PDE3B: variants seen among roughly 807,000 people sequenced by gnomAD.
The protein encoded by PDE3B is phosphodiesterase 3B.
In PDE3B, 66 loss-of-function variants were observed where a neutral mutation model predicts 116.8. The observed-to-expected ratio is 0.56, with a 90% CI of 0.46 to 0.69. PDE3B has a LOEUF of 0.69. PDE3B is among the 30% of genes least tolerant of loss of function. PDE3B has a pLI of 0.00. For missense variants in PDE3B, 1,384 were observed against 1,368.1 expected, an observed-to-expected ratio of 1.01 and a Z score of -0.18; for synonymous variants, 595 against 533.6, an observed-to-expected ratio of 1.12 and a Z score of -1.59.
intron 1 of PDE3B, among the ~76,000 whole-genome samples, chr11:14,689,574 A>G (rs775152072): frequency 2.6e-5 from 4 of 152,156 alleles, no homozygotes; most frequent in Non-Finnish European, 5.9e-5. Context: ...GAAAAAAAAG[A>G]GTGTAGATAT....
chr11:14,885,761 T>C, the PDE3B span: 1 of 1,611,086 alleles, frequency 6.2e-7, no homozygotes, highest in Non-Finnish European at 8.5e-7. Context: ...ACTAAATAGG[T>C]GCAAATAAAC....
intron 12 of PDE3B, among the ~76,000 whole-genome samples, chr11:14,854,089 G>GT (rs535289198): frequency 2.3e-4 from 35 of 152,126 alleles, no homozygotes; most frequent in Non-Finnish European, 4.4e-4. Context: ...GCAGATAAAA[G>GT]TTTTTTTTAT....
intron 1 of PDE3B, among the ~76,000 whole-genome samples, chr11:14,740,722 T>C (rs532834542): frequency 6.6e-6 from 1 of 152,212 alleles, no homozygotes; most frequent in Non-Finnish European, 1.5e-5. Context: ...CTTTTCTGCT[T>C]TCTCTTGTAG....
intron 5 of PDE3B, among the ~76,000 whole-genome samples, chr11:14,816,617 A>G (rs1859339188): frequency 6.6e-6 from 1 of 152,184 alleles, no homozygotes; most frequent in South Asian, 2.1e-4. Flanking sequence ...ACTACACTCT[A>G]GCTTCATTGA....
chr11:14,740,452 C>T (rs1364383479), intron 1 of PDE3B, among the ~76,000 whole-genome samples: 3 of 152,134 alleles, frequency 2.0e-5, no homozygotes, highest in African/African-American at 7.2e-5. Flanking sequence ...GTGATATCCC[C>T]TGTATCATTT....
At chr11:14,829,119 C>T (rs1346265359) in intron 7 of PDE3B, among the ~76,000 whole-genome samples, 2 of 151,872 alleles carry the variant, frequency 1.3e-5, no homozygotes, top group Non-Finnish European at 2.9e-5. Context: ...CACATGGGCA[C>T]ATAGAGGGGA....
chr11:14,820,008 T>C (rs1859469148), intron 7 of PDE3B, among the ~76,000 whole-genome samples: 1 of 152,200 alleles, frequency 6.6e-6, no homozygotes, highest in African/African-American at 2.4e-5. Context: ...TGTTGTATCC[T>C]AAGAAAAAAG....
intron 9 of PDE3B, among the ~76,000 whole-genome samples, 162 bp from the exon 10 acceptor site, chr11:14,832,559 AT>A (rs989295701): frequency 1.3e-5 from 2 of 152,084 alleles, no homozygotes; most frequent in African/African-American, 4.8e-5. Flanking sequence ...TTCCATTCTG[AT>A]TTTTTTGAAA....
chr11:14,732,166 C>T (rs1009894826), intron 1 of PDE3B, among the ~76,000 whole-genome samples: 3 of 151,942 alleles, frequency 2.0e-5, no homozygotes, highest in Admixed American at 6.6e-5. Context: ...ATGTCTGACA[C>T]GTTCAAGGTG....
chr11:14,844,121 C>A, intron 12 of PDE3B, 95 bp downstream of exon 12: 1 of 857,228 alleles, frequency 1.2e-6, no homozygotes, highest in South Asian at 1.5e-5. Flanking sequence ...AATCATATGT[C>A]CAATCCATCT....
intron 1 of PDE3B, among the ~76,000 whole-genome samples, chr11:14,700,006 C>T (rs1036290459): frequency 6.6e-6 from 1 of 151,414 alleles, no homozygotes; most frequent in Non-Finnish European, 1.5e-5. Flanking sequence ...TATATGGCTC[C>T]GACAGTAGAG....
In PDE3B at chr11:14,786,582, G is replaced by T. The variant is rs371446559; in HGVS notation, c.1175G>T (p.Gly392Val). 25 of 1,612,982 alleles carry T rather than the reference G, an allele frequency of 1.5e-5. No homozygotes were observed. The African/African-American group carries it at 1.9e-4, about 12-fold the overall frequency. ...SISSLMGAFS[G>V]SCRPKINPLT... ...AGTAGCTTAATGGGTGCTTTCTCAG[G>T]TTCCTGTAGGCCAAAGATTAATCCT... The change falls in exon 3 of 16, where the codon GGT (glycine) becomes GTT (valine). Residue 392 changes from glycine to valine, a missense_variant. Transcript: ENST00000282096.
intron 1 of PDE3B, among the ~76,000 whole-genome samples, chr11:14,676,603 C>T: frequency 6.6e-6 from 1 of 152,100 alleles, no homozygotes. Context: ...CTATTATGGA[C>T]TTTATAAACA....
At chr11:14,654,136 T>C (rs920636807) in intron 1 of PDE3B, among the ~76,000 whole-genome samples, 6 of 151,930 alleles carry the variant, frequency 3.9e-5, no homozygotes, top group Non-Finnish European at 8.8e-5. Flanking sequence ...GGAAGAAATA[T>C]TAGAAAAAAA....
intron 1 of PDE3B, among the ~76,000 whole-genome samples, chr11:14,716,050 C>T (rs1215063402): frequency 1.3e-5 from 2 of 152,108 alleles, no homozygotes; most frequent in East Asian, 1.9e-4. Flanking sequence ...TGGGCGCAGG[C>T]CAGTGGGTGT....
At chr11:14,784,426 G>A (rs1262622428) in intron 2 of PDE3B, among the ~76,000 whole-genome samples, 1 of 152,128 alleles carries the variant, frequency 6.6e-6, no homozygotes, top group Non-Finnish European at 1.5e-5. Flanking sequence ...TAGTAGTAAG[G>A]TTTTCACACT....
intron 1 of PDE3B, among the ~76,000 whole-genome samples, chr11:14,708,238 C>T (rs751576173): frequency 4.6e-5 from 7 of 151,832 alleles, no homozygotes; most frequent in Non-Finnish European, 1.0e-4. Flanking sequence ...CTTTTTTTGT[C>T]ATGTGGTCTA....
rs751639063 is a variant in PDE3B at position 14,691,793 on chromosome 11, A to G, written c.978+46740A>G. ...GTAAGGCGACAGAGAGTTGTATAGG[A>G]TGATATTTCAGATAGTGTGGTAAGG... On this transcript the variant is annotated intron_variant, in intron 1 of 15. Transcript: ENST00000282096. 2.6e-5 allele frequency among the ~76,000 whole-genome samples: 4 copies of G among 152,308 alleles called. No homozygotes were observed. In the East Asian group the frequency reaches 7.7e-4, roughly 29 times the overall value.
chr11:14,674,713 A>G (rs1439734416), intron 1 of PDE3B, among the ~76,000 whole-genome samples: 1 of 152,220 alleles, frequency 6.6e-6, no homozygotes, highest in Non-Finnish European at 1.5e-5. Flanking sequence ...TCTTACCCTC[A>G]TAGGAAAAAT....
Sources: allele counts gnomAD v4.1 joint callset (sites outside exome capture counted in the v4.1 genomes callset), GRCh38; gene constraint gnomAD v4.1.1; transcripts MANE v1.5; gene names NCBI Gene and HGNC (gene_info 2026-07-23, HGNC 2026-07-21).